The following PDE7B variants were observed in gnomAD, a reference collection of about 807,000 sequenced individuals.
The protein encoded by PDE7B is phosphodiesterase 7B.
In PDE7B, 29 loss-of-function variants were observed where a neutral mutation model predicts 56.2. The observed-to-expected ratio is 0.52, with a 90% CI of 0.38 to 0.70. The LOEUF (loss-of-function observed/expected upper bound fraction) is 0.70. Among genes scored for constraint, PDE7B ranks in the 30% least tolerant of loss-of-function variants. The probability of loss-of-function intolerance (pLI) is 0.00; values close to 1 mark genes in which losing one functional copy is unlikely to be tolerated. For missense variants in PDE7B, 490 were observed against 565.0 expected, an observed-to-expected ratio of 0.87 and a Z score of 1.35; for synonymous variants, 197 against 196.9, an observed-to-expected ratio of 1.00 and a Z score of 0.00.
rs73556867 is a variant in PDE7B, at chr6:136,189,421, A to T, written c.1127-2193A>T. Among the ~76,000 whole-genome samples, 696 of 152,226 alleles carry T rather than the reference A, an allele frequency of 4.6e-3. 4 individuals are homozygous for T. The highest frequency in any genetic ancestry group is 0.016 in the African/African-American group (673 of 41,516). ...TCCACAAAAAATACAAAAAAATAAA[A>T]TTAGCTGGGTGTGGTGGCATGTGCC... On this transcript the variant is annotated intron_variant, in intron 12 of 12. Transcript: ENST00000308191.
At chr6:135,863,067 C>G (rs1339134823) in intron 1 of PDE7B, among the ~76,000 whole-genome samples, 2 of 151,880 alleles carry the variant, frequency 1.3e-5, no homozygotes, top group East Asian at 1.9e-4. Context: ...GAATGTATAA[C>G]CGAATATATA....
chr6:135,925,560 C>T (rs1293790937), intron 1 of PDE7B, among the ~76,000 whole-genome samples: 4 of 151,868 alleles, frequency 2.6e-5, no homozygotes, highest in Non-Finnish European at 5.9e-5. Flanking sequence ...TCAGTGAAAA[C>T]GAATTTTTGC....
intron 2 of PDE7B, among the ~76,000 whole-genome samples, chr6:135,978,877 C>T (rs1009906452): frequency 1.3e-5 from 2 of 152,002 alleles, no homozygotes; most frequent in African/African-American, 4.8e-5. Context: ...ATTTCCTTCT[C>T]CTGCCTAATT....
At chr6:136,027,358 A>C (rs1776169902) in intron 2 of PDE7B, among the ~76,000 whole-genome samples, 1 of 152,230 alleles carries the variant, frequency 6.6e-6, no homozygotes. Flanking sequence ...TTTGCTAGGA[A>C]CACAGTAACA....
chr6:136,008,635 T>C (rs1775831378), intron 2 of PDE7B, among the ~76,000 whole-genome samples: 1 of 152,272 alleles, frequency 6.6e-6, no homozygotes, highest in Non-Finnish European at 1.5e-5. Context: ...ATGTCTTCTT[T>C]TGAGAAGTGT....
rs181276701 is a variant in PDE7B at position 136,147,578 on chromosome 6, G to A, written c.318+76G>A. On this transcript the variant is annotated intron_variant, in intron 4 of 12. Transcript: ENST00000308191. ...TGCCTCAGCTGATAGCACTGGTGTT[G>A]GAGTCCTACTCTGCCTCTGAGGAGC... 465 of 1,255,648 alleles carry A rather than the reference G, an allele frequency of 3.7e-4. 3 individuals are homozygous for A. The African/African-American group carries it at 5.8e-3, about 16-fold the overall frequency. The allele number at this position is 1,255,648 out of a possible 1,614,324, so 77.8% of individuals were successfully genotyped here.
chr6:135,935,737 C>T (rs1296577568), intron 1 of PDE7B, among the ~76,000 whole-genome samples: 2 of 152,176 alleles, frequency 1.3e-5, no homozygotes, highest in Non-Finnish European at 1.5e-5. Context: ...GCAAAATACA[C>T]ATAATTTCAT....
At chr6:135,934,496 G>T (rs983148381) in intron 1 of PDE7B, among the ~76,000 whole-genome samples, 3 of 151,606 alleles carry the variant, frequency 2.0e-5, no homozygotes, top group Non-Finnish European at 4.4e-5. Flanking sequence ...GGAGGCCAAG[G>T]CAGGCGGATC....
intron 4 of PDE7B, among the ~76,000 whole-genome samples, chr6:136,148,307 G>A (rs1039563953): frequency 6.6e-6 from 1 of 151,618 alleles, no homozygotes; most frequent in Non-Finnish European, 1.5e-5. Flanking sequence ...AGTGAGGTAT[G>A]ATGATGCTAC....
intron 8 of PDE7B, among the ~76,000 whole-genome samples, chr6:136,164,441 G>C (rs1032389079): frequency 6.6e-6 from 1 of 152,134 alleles, no homozygotes. Context: ...ACCATATCAA[G>C]AGCAATTAAA....
At chr6:135,912,839 A>G (rs2128194041) in intron 1 of PDE7B, among the ~76,000 whole-genome samples, 1 of 152,308 alleles carries the variant, frequency 6.6e-6, no homozygotes, top group Non-Finnish European at 1.5e-5. Flanking sequence ...CCCATTTTAC[A>G]GATAAAGAAT....
chr6:136,046,595 C>A (rs748085296), intron 2 of PDE7B, among the ~76,000 whole-genome samples: 1 of 152,172 alleles, frequency 6.6e-6, no homozygotes, highest in African/African-American at 2.4e-5. Context: ...AATGTATGTT[C>A]ATGTGCCACT....
At chr6:136,023,604 G>T (rs1240877337) in intron 2 of PDE7B, among the ~76,000 whole-genome samples, 1 of 152,070 alleles carries the variant, frequency 6.6e-6, no homozygotes, top group Non-Finnish European at 1.5e-5. Flanking sequence ...TCTCCATCCT[G>T]ATTTTCTGAA....
In PDE7B at chr6:135,994,098, C is replaced by T. The variant is rs1034394715; in HGVS notation, c.82+46574C>T. ...GAAATTATACTAAGAACTAAAGTTG[C>T]CTGTTCTTGTATTGGATCTGTGTGT... On this transcript the variant is annotated intron_variant, in intron 2 of 12. Transcript: ENST00000308191. Among the ~76,000 whole-genome samples the T allele has an allele frequency of 3.5e-5, 5 of 144,742 alleles. No individual in the cohort carries two copies. In the Admixed American group the frequency reaches 3.5e-4, roughly 10 times the overall value. 95.0% of individuals were successfully genotyped at this position (144,742 alleles called of 152,430 possible).
chr6:136,053,570 A>G (rs1776673242), intron 2 of PDE7B, among the ~76,000 whole-genome samples: 1 of 152,118 alleles, frequency 6.6e-6, no homozygotes, highest in South Asian at 2.1e-4. Context: ...TTGGGTATAT[A>G]CCCAATAATG....
chr6:136,015,012 C>G (rs1703541495), intron 2 of PDE7B, among the ~76,000 whole-genome samples: 1 of 152,214 alleles, frequency 6.6e-6, no homozygotes, highest in African/African-American at 2.4e-5. Flanking sequence ...TTAAAATACA[C>G]ATATATGCGT....
intron 2 of PDE7B, among the ~76,000 whole-genome samples, chr6:136,000,038 T>G (rs552654369): frequency 2.8e-4 from 43 of 152,266 alleles, no homozygotes; most frequent in Admixed American, 1.9e-3. Context: ...TTTGGCCACA[T>G]GTATGTCTTT....
chr6:136,085,010 G>A (rs1002607018), intron 2 of PDE7B, among the ~76,000 whole-genome samples: 1 of 151,990 alleles, frequency 6.6e-6, no homozygotes, highest in Admixed American at 6.6e-5. Context: ...ACTCCTAGCC[G>A]ATGGCTGGCC....
intron 2 of PDE7B, among the ~76,000 whole-genome samples, chr6:136,068,782 G>A (rs535408666): frequency 6.6e-6 from 1 of 152,288 alleles, no homozygotes; most frequent in East Asian, 1.9e-4. Context: ...GCTTCAGAGA[G>A]AATCGATTGT....
Sources: allele counts gnomAD v4.1 joint callset (sites outside exome capture counted in the v4.1 genomes callset), GRCh38; gene constraint gnomAD v4.1.1; transcripts MANE v1.5; gene names NCBI Gene and HGNC (gene_info 2026-07-23, HGNC 2026-07-21).